Variants in ACTR3C observed in about 807,000 individuals in gnomAD.
ACTR3C encodes the protein actin related protein 3C.
In ACTR3C, 18 loss-of-function variants were observed where a neutral mutation model predicts 26.3. The ratio of observed to expected loss-of-function variants is 0.68; its 90% confidence interval spans 0.47 to 1.01. The LOEUF (loss-of-function observed/expected upper bound fraction) is 1.01. Among genes scored for constraint, ACTR3C ranks in the 50% least tolerant of loss-of-function variants. The pLI is 0.00. For synonymous variants in ACTR3C, 55 were observed against 94.5 expected (o/e 0.58, Z 2.42); for missense variants, 184 against 250.7 (o/e 0.73, Z 1.80).
chr7:150,240,465 G>C (rs973543570), downstream of ACTR3C, among the ~76,000 whole-genome samples: 2 of 152,164 alleles, frequency 1.3e-5, no homozygotes, highest in African/African-American at 4.8e-5. Context: ...CCTAATGCTT[G>C]TAGGGCTTAA....
At chr7:149,963,947 G>A in the ACTR3C span, among the ~76,000 whole-genome samples, 1 of 152,070 alleles carries the variant, frequency 6.6e-6, no homozygotes, top group Admixed American at 6.5e-5. Context: ...AACGGACAAC[G>A]ATATAAACAA....
the ACTR3C span, among the ~76,000 whole-genome samples, chr7:150,148,152 T>TGA: frequency 9.7e-6 from 1 of 103,154 alleles, no homozygotes; most frequent in Non-Finnish European, 2.1e-5. Context: ...AGCTTAAAAG[T>TGA]TAAAAAAAAA....
At chr7:150,163,718 G>A in the ACTR3C span, among the ~76,000 whole-genome samples, 51 of 152,082 alleles carry the variant, frequency 3.4e-4, no homozygotes, top group East Asian at 6.2e-3. Context: ...GCGTGAATCC[G>A]AGTCCAAGGG....
intron 1 of ACTR3C, among the ~76,000 whole-genome samples, chr7:150,318,526 G>C (rs1469818054): frequency 6.6e-6 from 1 of 152,188 alleles, no homozygotes; most frequent in African/African-American, 2.4e-5. Flanking sequence ...CACTTTGGGA[G>C]GCCAAGGTGG....
rs535887961 is a variant in ACTR3C at position 150,277,659 on chromosome 7, C to T, written c.564+7094G>A. On this transcript the variant is annotated intron_variant, in intron 6 of 7. Transcript: ENST00000683684. Reference sequence around the variant, plus strand: ...TATCTCCTGTCAGTAAATGACCCCCCACCCTCCTAGATAAGCAGCAAGAAC... The same window carrying T: ...TATCTCCTGTCAGTAAATGACCCCCTACCCTCCTAGATAAGCAGCAAGAAC... Among the ~76,000 whole-genome samples the T allele has an allele frequency of 7.9e-4, 120 of 152,218 alleles. 2 individuals are homozygous for T. The highest frequency in any genetic ancestry group is 6.2e-4 in the South Asian group (3 of 4,808).
rs1431254613 is a variant in ACTR3C, at chr7:150,274,798, A to G, written c.564+9955T>C. Among the ~76,000 whole-genome samples the G allele has an allele frequency of 6.6e-6, 1 of 152,244 alleles. No homozygotes were observed. The highest frequency in any genetic ancestry group is 2.4e-5 in the African/African-American group (1 of 41,466). ...CAAAACGCTTCCCACAAAAGCCAAA[A>G]GCCAATATGATCGATTCTAAAAAAA... On this transcript the variant is annotated intron_variant, in intron 6 of 7. Coordinates refer to ENST00000683684, the MANE Select transcript of ACTR3C (RefSeq NM_001164458.2). This position sits in a 1 kb window ranked among gnomAD's most constrained non-coding sequence, Gnocchi z 4.1.
the ACTR3C span, among the ~76,000 whole-genome samples, chr7:150,145,110 G>C: frequency 6.8e-6 from 1 of 147,124 alleles, no homozygotes; most frequent in Admixed American, 6.7e-5. Context: ...AGCTCACCTA[G>C]AGAAATAACT....
chr7:149,904,562 A>G, the ACTR3C span, among the ~76,000 whole-genome samples: 62 of 112,682 alleles, frequency 5.5e-4, 1 homozygote, highest in African/African-American at 1.3e-3. Context: ...AAAAAACTTT[A>G]GAACATTAGA....
chr7:150,094,626 C>T, the ACTR3C span, among the ~76,000 whole-genome samples: 1 of 150,576 alleles, frequency 6.6e-6, no homozygotes, highest in Non-Finnish European at 1.5e-5. Context: ...TTGGGTTCCT[C>T]CAGCCCTGCA....
chr7:150,039,813 CGCGGGGG>C, the ACTR3C span, among the ~76,000 whole-genome samples: 1 of 128,330 alleles, frequency 7.8e-6, no homozygotes, highest in Admixed American at 7.5e-5. Context: ...GTCCCTGCCT[CGCGGGGG>C]GTGCCTCCGC....
At chr7:150,285,470 A>C (rs1243359698) in intron 5 of ACTR3C, among the ~76,000 whole-genome samples, 3 of 152,354 alleles carry the variant, frequency 2.0e-5, no homozygotes, top group African/African-American at 7.2e-5. Context: ...AGTAAGCTTG[A>C]ATGTGCACTC....
At chr7:150,045,220 A>C in the ACTR3C span, 3 of 152,124 alleles carry the variant, frequency 2.0e-5, no homozygotes, top group Non-Finnish European at 4.4e-5. Context: ...TTTGTTTTTC[A>C]ATACACCTTA....
At chr7:150,259,708 T>C (rs1459952187) in intron 6 of ACTR3C, among the ~76,000 whole-genome samples, 1 of 152,168 alleles carries the variant, frequency 6.6e-6, no homozygotes, top group East Asian at 1.9e-4. Flanking sequence ...TAGATGGTCA[T>C]TATAATGATC....
At chr7:149,911,756 T>C in the ACTR3C span, among the ~76,000 whole-genome samples, 2 of 152,040 alleles carry the variant, frequency 1.3e-5, no homozygotes, top group Admixed American at 1.3e-4. Flanking sequence ...ATTATATCAT[T>C]TTCGTATTTT....
At chr7:150,112,803 G>C in the ACTR3C span, among the ~76,000 whole-genome samples, 2 of 152,134 alleles carry the variant, frequency 1.3e-5, no homozygotes, top group Non-Finnish European at 2.9e-5. Flanking sequence ...CCAGGGTTCA[G>C]GTCCTGGTGC....
the ACTR3C span, among the ~76,000 whole-genome samples, chr7:149,983,155 A>G: frequency 1.3e-5 from 2 of 152,026 alleles, no homozygotes; most frequent in African/African-American, 4.8e-5. Context: ...AACACCTGAC[A>G]TTGTAAAACT....
the ACTR3C span, among the ~76,000 whole-genome samples, chr7:149,969,269 CTGTGTGTGTGTGTGTGTGTG>C: frequency 0.23 from 32,577 of 141,020 alleles, 4,007 homozygotes; most frequent in Non-Finnish European, 0.27. Flanking sequence ...TCAGAAAGAG[CTGTGTGTGTGTGTGTGTGTG>C]TGTGTGTGTG....
chr7:150,070,182 G>A, the ACTR3C span, among the ~76,000 whole-genome samples: 2 of 152,182 alleles, frequency 1.3e-5, no homozygotes, highest in African/African-American at 4.8e-5. Context: ...CCATGCTCCA[G>A]ATGGTGTAAG....
downstream of ACTR3C, among the ~76,000 whole-genome samples, chr7:150,240,392 A>T (rs1375963943): frequency 1.3e-5 from 2 of 152,192 alleles, no homozygotes; most frequent in Admixed American, 6.5e-5. Flanking sequence ...TGTAATGCTG[A>T]TGAGAAGTTG....
Sources: gnomAD v4.1 joint callset for allele counts (sites outside exome capture counted in the v4.1 genomes callset) on GRCh38, gnomAD v4.1.1 for gene constraint, Gnocchi (gnomAD v3.1) non-coding constraint, MANE v1.5 for transcripts, NCBI Gene and HGNC (gene_info 2026-07-23, HGNC 2026-07-21) for gene names.